ITFG1: variants seen among roughly 807,000 people sequenced by gnomAD.
ITFG1 encodes T-cell immunomodulatory protein.
In ITFG1, 34 loss-of-function variants were observed where a neutral mutation model predicts 81.8. The observed-to-expected ratio is 0.42, with a 90% CI of 0.32 to 0.55. The LOEUF is 0.55. Ranked by LOEUF, ITFG1 falls within the 20% of genes least tolerant of loss-of-function variation. The probability of loss-of-function intolerance (pLI) is 0.17; values close to 1 mark genes in which losing one functional copy is unlikely to be tolerated. For synonymous variants in ITFG1, 285 were observed against 270.6 expected, an observed-to-expected ratio of 1.05 and a Z score of -0.52; for missense variants, 672 against 755.4, an observed-to-expected ratio of 0.89 and a Z score of 1.29.
At chr16:47,459,307 C>A in intron 1 of ITFG1, 132 bp from the exon 2 acceptor site, 1 of 632,868 alleles carries the variant, frequency 1.6e-6, no homozygotes, top group South Asian at 1.9e-5. Context: ...TCTGCCCTCT[C>A]AAGCATAGTC....
intron 5 of ITFG1, among the ~76,000 whole-genome samples, chr16:47,434,023 T>C (rs1386893297): frequency 3.3e-5 from 5 of 150,520 alleles, no homozygotes; most frequent in African/African-American, 9.7e-5. Context: ...AAATGGAAAG[T>C]AGACCCCTTC....
chr16:47,433,527 T>C (rs1299828051), intron 5 of ITFG1, among the ~76,000 whole-genome samples: 1 of 152,124 alleles, frequency 6.6e-6, no homozygotes, highest in Admixed American at 6.5e-5. Flanking sequence ...AATATATTAA[T>C]TGCAATCTTG....
At chr16:47,192,133 A>T (rs528040569) in intron 14 of ITFG1, among the ~76,000 whole-genome samples, 1 of 152,292 alleles carries the variant, frequency 6.6e-6, no homozygotes, top group East Asian at 1.9e-4. Context: ...GCCATAACTG[A>T]GTCTAGTTCT....
chr16:47,404,483 A>G (rs1053870927), intron 6 of ITFG1, among the ~76,000 whole-genome samples: 1 of 152,184 alleles, frequency 6.6e-6, no homozygotes, highest in Admixed American at 6.5e-5. Flanking sequence ...TATAAAGACT[A>G]ATAAATACCC....
At chr16:47,291,699 GTTCT>G (rs1281205158) in intron 10 of ITFG1, among the ~76,000 whole-genome samples, 2 of 152,162 alleles carry the variant, frequency 1.3e-5, no homozygotes, top group African/African-American at 4.8e-5. Context: ...ATATTTAAAG[GTTCT>G]TTCTTAAGTC....
chr16:47,230,369 ACGATAACAGTGGG>A (rs1214215136), intron 13 of ITFG1, among the ~76,000 whole-genome samples: 1 of 152,192 alleles, frequency 6.6e-6, no homozygotes, highest in Non-Finnish European at 1.5e-5. Flanking sequence ...CAAAGGCTAG[ACGATAACAGTGGG>A]TTAAGGATAC....
At chr16:47,350,469 A>G (rs1443494241) in intron 8 of ITFG1, among the ~76,000 whole-genome samples, 1 of 152,350 alleles carries the variant, frequency 6.6e-6, no homozygotes, top group African/African-American at 2.4e-5. Context: ...TCTAGTAGAA[A>G]TGGATAAATT....
At chr16:47,287,881 C>A (rs757449202) in intron 10 of ITFG1, among the ~76,000 whole-genome samples, 4 of 152,186 alleles carry the variant, frequency 2.6e-5, no homozygotes, top group Non-Finnish European at 5.9e-5. Flanking sequence ...TGAGCATTAA[C>A]CTCTTCTGTT....
At chr16:47,188,803 A>C (rs1046096551) in intron 14 of ITFG1, among the ~76,000 whole-genome samples, 7 of 152,070 alleles carry the variant, frequency 4.6e-5, no homozygotes, top group African/African-American at 1.7e-4. Context: ...AGTGCTTTGT[A>C]AACTACAAAG....
At chr16:47,171,037 T>TTTTTTTTTTTTTTTTTTTG in intron 14 of ITFG1, among the ~76,000 whole-genome samples, 1 of 149,712 alleles carries the variant, frequency 6.7e-6, no homozygotes. Flanking sequence ...GCCTTTTTTT[T>TTTTTTTTTTTTTTTTTTTG]TTTTTTTTTT....
chr16:47,230,499 A>G (rs1025998992), intron 13 of ITFG1, among the ~76,000 whole-genome samples: 2 of 152,176 alleles, frequency 1.3e-5, no homozygotes, highest in African/African-American at 4.8e-5. Context: ...CAGAAGGTAC[A>G]TATGTATACA....
At chr16:47,436,036 G>T (rs540470392) in intron 5 of ITFG1, among the ~76,000 whole-genome samples, 4 of 151,798 alleles carry the variant, frequency 2.6e-5, no homozygotes, top group African/African-American at 7.3e-5. Flanking sequence ...ACACATAAAG[G>T]TCTACTTGAA....
intron 10 of ITFG1, among the ~76,000 whole-genome samples, chr16:47,276,599 T>C (rs1966401386): frequency 6.6e-6 from 1 of 152,122 alleles, no homozygotes; most frequent in Admixed American, 6.6e-5. Flanking sequence ...CATGGGAAGG[T>C]ATTTCCCTAT....
At chr16:47,374,371 A>AT (rs1366665245) in intron 7 of ITFG1, among the ~76,000 whole-genome samples, 1 of 152,198 alleles carries the variant, frequency 6.6e-6, no homozygotes, top group Non-Finnish European at 1.5e-5. Context: ...GTCAAAATCT[A>AT]TTTTATTCAT....
chr16:47,452,665 T>C (rs1284044838), intron 4 of ITFG1, 68 bp downstream of exon 4: 4 of 1,013,438 alleles, frequency 3.9e-6, no homozygotes, highest in Non-Finnish European at 4.5e-6. Flanking sequence ...CAAAGTAGTT[T>C]CCTATGTGAA....
intron 6 of ITFG1, among the ~76,000 whole-genome samples, chr16:47,404,335 A>T (rs188965009): frequency 6.6e-6 from 1 of 152,342 alleles, no homozygotes; most frequent in Admixed American, 6.5e-5. Flanking sequence ...TAAATAAGGT[A>T]CATCTAAGTA....
At chr16:47,222,475 G>A (rs1200171605) in intron 13 of ITFG1, among the ~76,000 whole-genome samples, 1 of 149,776 alleles carries the variant, frequency 6.7e-6, no homozygotes, top group Non-Finnish European at 1.5e-5. Context: ...GTGCAGTGGC[G>A]CGATCTCGGC....
intron 8 of ITFG1, among the ~76,000 whole-genome samples, chr16:47,359,281 C>G (rs1567473421): frequency 6.6e-6 from 1 of 152,148 alleles, no homozygotes; most frequent in East Asian, 1.9e-4. Context: ...GCTTTTATCT[C>G]CCATTTGTAT....
chr16:47,407,028 G>A (rs1968737722), intron 6 of ITFG1, among the ~76,000 whole-genome samples: 1 of 152,184 alleles, frequency 6.6e-6, no homozygotes, highest in African/African-American at 2.4e-5. Context: ...GAAGGTCGAG[G>A]AGATAATGGT....
Sources: allele counts gnomAD v4.1 joint callset (sites outside exome capture counted in the v4.1 genomes callset), GRCh38; gene constraint gnomAD v4.1.1; transcripts MANE v1.5; gene names NCBI Gene and HGNC (gene_info 2026-07-23, HGNC 2026-07-21).